SLC38A11: variants seen among roughly 807,000 people sequenced by gnomAD.
The protein encoded by SLC38A11 is putative sodium-coupled neutral amino acid transporter 11.
SLC38A11 carries 51 observed loss-of-function variants against 49.4 expected under a neutral mutation model. The observed-to-expected ratio is 1.03, with a 90% confidence interval of 0.83 to 1.30. The LOEUF (loss-of-function observed/expected upper bound fraction) is 1.30. Among genes scored for constraint, SLC38A11 ranks in the 50% most tolerant of loss-of-function variants. The probability of loss-of-function intolerance (pLI) is 0.00; values close to 1 mark genes in which losing one functional copy is unlikely to be tolerated. For missense variants in SLC38A11, 574 were observed against 556.2 expected (o/e 1.03, Z -0.32); for synonymous variants, 203 against 192.9 (o/e 1.05, Z -0.43).
chr2:164,952,432 C>T (rs1401340580), intron 3 of SLC38A11, among the ~76,000 whole-genome samples: 1 of 152,158 alleles, frequency 6.6e-6, no homozygotes, highest in East Asian at 1.9e-4. Flanking sequence ...AAATGACTTC[C>T]CCATCTACTA....
chr2:164,920,002 C>A (rs557151894), intron 7 of SLC38A11, among the ~76,000 whole-genome samples: 2 of 152,060 alleles, frequency 1.3e-5, no homozygotes, highest in Admixed American at 6.6e-5. Context: ...ATAGACCAGG[C>A]GTGGTGCTCA....
At chr2:164,911,792 GT>G (rs1685423573) in intron 9 of SLC38A11, 44 bp from the exon 10 acceptor site, 7 of 1,092,352 alleles carry the variant, frequency 6.4e-6, no homozygotes, top group Non-Finnish European at 9.2e-6. Context: ...GATACTAAAT[GT>G]TTGAGATAAC....
chr2:164,935,746 C>A (rs770464622), intron 7 of SLC38A11, among the ~76,000 whole-genome samples: 5 of 151,880 alleles, frequency 3.3e-5, no homozygotes, highest in Non-Finnish European at 5.9e-5. Context: ...TGCGTCCCTC[C>A]GAATTTATAT....
At chr2:164,954,893 A>G (rs1255100220) in intron 1 of SLC38A11, 148 bp from the exon 2 acceptor site, 2 of 572,914 alleles carry the variant, frequency 3.5e-6, no homozygotes, top group East Asian at 5.7e-5. Flanking sequence ...GATAACAGTA[A>G]TAAAGAATAA....
At chr2:164,910,558 A>T (rs1685331069) in intron 10 of SLC38A11, among the ~76,000 whole-genome samples, 1 of 152,120 alleles carries the variant, frequency 6.6e-6, no homozygotes, top group African/African-American at 2.4e-5. Context: ...GTTGTAAAGG[A>T]CATACACAGT....
intron 9 of SLC38A11, 95 bp downstream of exon 9, chr2:164,915,017 T>C (rs958518839): frequency 1.8e-6 from 2 of 1,135,112 alleles, no homozygotes; most frequent in East Asian, 5.4e-5. Flanking sequence ...ATCTTTGAAA[T>C]AGAACACTGG....
At chr2:164,954,814 T>C in intron 1 of SLC38A11, 69 bp from the exon 2 acceptor site, 1 of 694,140 alleles carries the variant, frequency 1.4e-6, no homozygotes, top group African/African-American at 1.8e-5. Context: ...AAATATGTAA[T>C]GCAGGATACT....
intron 9 of SLC38A11, among the ~76,000 whole-genome samples, chr2:164,914,794 C>T (rs564026739): frequency 6.6e-6 from 1 of 151,978 alleles, no homozygotes; most frequent in Admixed American, 6.6e-5. Flanking sequence ...GAATCCAAAT[C>T]GAAGCTATTT....
In SLC38A11 at chr2:164,910,596, C is replaced by T. The variant is rs187358040; in HGVS notation, c.963+1040G>A. Among the ~76,000 whole-genome samples the T allele has an allele frequency of 2.4e-4, 37 of 152,192 alleles. No individual in the cohort carries two copies. In the East Asian group the frequency reaches 5.0e-3, roughly 21 times the overall value. On this transcript the variant is annotated intron_variant, in intron 10 of 11. Coordinates refer to ENST00000685975, the MANE Select transcript of SLC38A11 (RefSeq NM_001351537.2). ...TAAACATTTCCCTCTTCTGTTTCCC[C>T]GTGCAGTCAGTTCCTTATCCCTGGG...
chr2:164,935,465 T>C (rs1373454302), intron 7 of SLC38A11, among the ~76,000 whole-genome samples: 2 of 148,254 alleles, frequency 1.3e-5, no homozygotes, highest in Non-Finnish European at 3.0e-5. Context: ...AGGTCAGGAG[T>C]TTGAGGCTGG....
At chr2:164,915,509 C>A (rs1685719251) in intron 8 of SLC38A11, 4 of 459,166 alleles carry the variant, frequency 8.7e-6, no homozygotes, top group Non-Finnish European at 1.5e-5. Context: ...GCCAGTCCAA[C>A]ATTCTCTCTC....
chr2:164,894,747 A>T lies in SLC38A11; in HGVS notation c.*3690T>A, dbSNP rs1382779065. On this transcript the variant is annotated 3_prime_UTR_variant, in exon 12 of 12. Transcript: ENST00000685975. ...TTTGTCATTGCTCTTCACTAATATT[A>T]TTGTCGTGGTTTCTCCTCTTCTCAC... Among the ~76,000 whole-genome samples the T allele has an allele frequency of 3.3e-5, 5 of 151,930 alleles. No homozygotes were observed. The highest frequency in any genetic ancestry group is 7.4e-5 in the Non-Finnish European group (5 of 67,984).
intron 10 of SLC38A11, among the ~76,000 whole-genome samples, chr2:164,909,681 A>G (rs1685261950): frequency 3.9e-5 from 6 of 151,950 alleles, no homozygotes; most frequent in Admixed American, 1.3e-4. Context: ...CAAAGAGGTA[A>G]TAACAGGAAC....
rs528199096 is a variant in SLC38A11 at position 164,896,313 on chromosome 2, G to A, written c.*2124C>T. The A allele has an allele frequency of 3.3e-5, 5 of 152,208 alleles. No homozygotes were observed. The South Asian group carries it at 1.0e-3, about 32-fold the overall frequency. The allele number at this position is 152,208 out of a possible 1,614,324, so 9.4% of individuals were successfully genotyped here. A position where few individuals can be genotyped will look rare whatever the true frequency, so the allele number is the denominator to read the frequency against. On this transcript the variant is annotated 3_prime_UTR_variant, in exon 12 of 12. Transcript: ENST00000685975. The stretch of plus-strand genomic sequence containing the variant: ...AAATAAACCAATACATGTTTATTAG[G>A]CACTAATGCTGCGCTCAGTTCCTAC...
Position 164,954,659 on chromosome 2 carries a change from G to A in SLC38A11, c.126C>T (p.Val42=), listed in dbSNP as rs1188928673. The change falls in exon 2 of 12, where the codon GTC becomes GTT. Residue 42 remains valine, a synonymous_variant. Coordinates refer to ENST00000685975, the MANE Select transcript of SLC38A11 (RefSeq NM_001351537.2). ...TCQSAALFNV[V]NSIIGSGIIG... Reference sequence around the variant, plus strand: ...TTATACCAGATCCTATAATCGAGTTGACAACATTAAAAAGAGCAGCAGACT... The same window carrying A: ...TTATACCAGATCCTATAATCGAGTTAACAACATTAAAAAGAGCAGCAGACT... The A allele has an allele frequency of 1.3e-6, 2 of 1,534,244 alleles. No individual in the cohort carries two copies. Among genetic ancestry groups the A allele is most frequent in the African/African-American group, 2.8e-5 (2 of 72,674 alleles).
At chr2:164,923,228 C>G (rs1573935887) in intron 7 of SLC38A11, among the ~76,000 whole-genome samples, 1 of 152,072 alleles carries the variant, frequency 6.6e-6, no homozygotes, top group Non-Finnish European at 1.5e-5. Flanking sequence ...ACAAGTGGGA[C>G]CTAATTAAAC....
chr2:164,945,255 CTT>C (rs35471502), intron 4 of SLC38A11, among the ~76,000 whole-genome samples: 29 of 138,602 alleles, frequency 2.1e-4, no homozygotes, highest in Admixed American at 4.3e-4. Context: ...AAATCCTTTG[CTT>C]TTTTTTTTTT....
intron 7 of SLC38A11, among the ~76,000 whole-genome samples, chr2:164,925,655 A>G (rs2105478009): frequency 6.6e-6 from 1 of 152,292 alleles, no homozygotes; most frequent in South Asian, 2.1e-4. Context: ...AACATAAAAG[A>G]AGGTAGACCT....
intron 11 of SLC38A11, among the ~76,000 whole-genome samples, chr2:164,902,025 TTC>T (rs1199610791): frequency 6.7e-6 from 1 of 148,506 alleles, no homozygotes; most frequent in East Asian, 2.0e-4. Flanking sequence ...GTTTTTTGTT[TTC>T]TCTCTCTTTT....
Sources: allele counts gnomAD v4.1 joint callset (sites outside exome capture counted in the v4.1 genomes callset), GRCh38; gene constraint gnomAD v4.1.1; transcripts MANE v1.5; gene names NCBI Gene and HGNC (gene_info 2026-07-23, HGNC 2026-07-21).